The following NOS1 variants were observed in gnomAD, a reference collection of about 807,000 sequenced individuals.
The protein encoded by NOS1 is nitric oxide synthase 1.
In NOS1, 51 loss-of-function variants were observed where a neutral mutation model predicts 164.5. That is an observed-to-expected ratio of 0.31 (90% CI 0.25 to 0.39). NOS1 has a LOEUF of 0.39. Among genes scored for constraint, NOS1 ranks in the 10% least tolerant of loss-of-function variants. NOS1 has a pLI of 1.00. For synonymous variants in NOS1, 719 were observed against 745.8 expected (o/e 0.96, Z 0.59); for missense variants, 1,362 against 1,885.6 (o/e 0.72, Z 5.14).
chr12:117,337,497 G>A (rs917773474), intron 1 of NOS1, among the ~76,000 whole-genome samples: 7 of 152,114 alleles, frequency 4.6e-5, no homozygotes, highest in Non-Finnish European at 8.8e-5. Context: ...TGGGCAGCAT[G>A]GGTCTAGAGT....
At chr12:117,304,679 C>T (rs960566808) in intron 3 of NOS1, among the ~76,000 whole-genome samples, 3 of 152,190 alleles carry the variant, frequency 2.0e-5, no homozygotes, top group Non-Finnish European at 2.9e-5. Flanking sequence ...ATACACACAA[C>T]GCACTCTGTG....
At chr12:117,266,207 C>T (rs917247347) in intron 11 of NOS1, among the ~76,000 whole-genome samples, 87 of 152,112 alleles carry the variant, frequency 5.7e-4, no homozygotes, top group African/African-American at 2.0e-3. Context: ...GTGCACCCAT[C>T]GCCCGAGCAG....
chr12:117,216,117 A>T (rs112236423), intron 28 of NOS1, among the ~76,000 whole-genome samples: 1,642 of 150,514 alleles, frequency 0.011, 30 homozygotes, highest in African/African-American at 0.038. Context: ...GGCTCAAGTG[A>T]TCCACCCATC....
At chr12:117,242,997 G>C (rs978537629) in intron 19 of NOS1, among the ~76,000 whole-genome samples, 2 of 152,234 alleles carry the variant, frequency 1.3e-5, no homozygotes, top group Non-Finnish European at 2.9e-5. Context: ...GGCAGGCATT[G>C]GTTGGGATGG....
Position 117,243,239 on chromosome 12 carries a change from AT to A in NOS1, c.2962+57del. 1 of 1,599,610 alleles carries A rather than the reference AT, an allele frequency of 6.3e-7. No individual in the cohort carries two copies. Among genetic ancestry groups the A allele is most frequent in the Non-Finnish European group, 8.5e-7 (1 of 1,172,648 alleles). ...TCTCTAAGCACCTTCTGGAGGTGAG[AT>A]CACCTGCCTTTCCCCCATTGTCACG... On this transcript the variant is annotated intron_variant, in intron 19 of 28. Transcript: ENST00000317775. This position sits in a 1 kb window ranked among gnomAD's most constrained non-coding sequence, Gnocchi z 4.3.
intron 3 of NOS1, among the ~76,000 whole-genome samples, chr12:117,299,620 C>A (rs1406031768): frequency 1.5e-5 from 2 of 135,298 alleles, no homozygotes; most frequent in African/African-American, 2.9e-5. Context: ...GCCTGGGCGA[C>A]TGAGACTTTG....
At chr12:117,236,946 C>T (rs930567154) in intron 20 of NOS1, among the ~76,000 whole-genome samples, 2 of 152,106 alleles carry the variant, frequency 1.3e-5, no homozygotes, top group African/African-American at 4.8e-5. Context: ...TCTGGCCCTG[C>T]TGGGAGTTTA....
chr12:117,285,609 G>T (rs1874056147), intron 6 of NOS1, among the ~76,000 whole-genome samples: 4 of 151,876 alleles, frequency 2.6e-5, no homozygotes, highest in Non-Finnish European at 5.9e-5. Context: ...GAAGGAGGGG[G>T]TTTAGATGGG....
chr12:117,214,113 G>A lies in NOS1; in HGVS notation c.*1196C>T. 1.1e-5 allele frequency: 11 copies of A among 985,368 alleles called. No individual in the cohort carries two copies. The highest frequency in any genetic ancestry group is 1.3e-5 in the Non-Finnish European group (11 of 829,936). 61.0% of individuals were successfully genotyped at this position (985,368 alleles called of 1,614,324 possible). On this transcript the variant is annotated 3_prime_UTR_variant, in exon 29 of 29. Transcript: ENST00000317775. The stretch of plus-strand genomic sequence containing the variant: ...AGAAGCCACGTGGGACCTCATTATG[G>A]CAACTCTTTCCAACCTCATCCACTT...
At position 117,227,408 on chromosome 12, in the gene NOS1, G is replaced by T. The variant is rs1326114323; in HGVS notation, c.3616+23C>A. 3.1e-6 allele frequency: 5 copies of T among 1,611,006 alleles called. 1 individual carries two copies. The highest frequency in any genetic ancestry group is 4.2e-6 in the Non-Finnish European group (5 of 1,178,022). ...CTTGGGGGAAAATGCAGCTGAGGAG[G>T]CTCTCCCAGTGCCTCCGCCCACCTC... On this transcript the variant is annotated intron_variant, in intron 23 of 28. Transcript: ENST00000317775.
chr12:117,289,719 C>T (rs953507296), intron 4 of NOS1, among the ~76,000 whole-genome samples: 1 of 152,164 alleles, frequency 6.6e-6, no homozygotes, highest in Non-Finnish European at 1.5e-5. Flanking sequence ...TAGAGCTTAT[C>T]ACAAGCTTGG....
chr12:117,244,385 T>C (rs924748255), intron 18 of NOS1, among the ~76,000 whole-genome samples: 1 of 152,124 alleles, frequency 6.6e-6, no homozygotes, highest in South Asian at 2.1e-4. Flanking sequence ...GTAGCTGGGA[T>C]TACAGGCATG....
At chr12:117,231,042 C>G (rs1008747553) in intron 22 of NOS1, among the ~76,000 whole-genome samples, 1 of 152,028 alleles carries the variant, frequency 6.6e-6, no homozygotes, top group East Asian at 1.9e-4. Context: ...TGAATAAGAT[C>G]TAGGCCGGGT....
rs537647209 is a variant in NOS1, at chr12:117,272,710, C to T, written c.1665-151G>A. 53 of 688,180 alleles carry T rather than the reference C, an allele frequency of 7.7e-5. No individual in the cohort carries two copies. Among genetic ancestry groups the T allele is most frequent in the African/African-American group, 7.6e-4 (42 of 55,268 alleles). The allele number at this position is 688,180 out of a possible 1,614,324, so 42.6% of individuals were successfully genotyped here. On this transcript the variant is annotated intron_variant, in intron 9 of 28. Transcript: ENST00000317775. This position sits in a 1 kb window ranked among gnomAD's most constrained non-coding sequence, Gnocchi z 4.3. ...GCCCTGCTTCAGATCTGTGGAATTG[C>T]AGGTTCTGCAGCTGGGGGCCTGAGA...
At chr12:117,280,655 C>T (rs565515265) in intron 8 of NOS1, 70 bp downstream of exon 8, 17 of 1,202,926 alleles carry the variant, frequency 1.4e-5, no homozygotes, top group African/African-American at 8.5e-5. Flanking sequence ...GCATTAAGCC[C>T]GAAAAAGTCT....
intron 10 of NOS1, among the ~76,000 whole-genome samples, chr12:117,269,528 G>A (rs1397093470): frequency 1.5e-5 from 2 of 135,892 alleles, no homozygotes; most frequent in African/African-American, 2.9e-5. Context: ...GTGCAGTGTC[G>A]TGATCTCGGC....
rs1222793241 is a variant in NOS1 at position 117,330,153 on chromosome 12, C to T, written c.725+192G>A. Among the ~76,000 whole-genome samples the T allele has an allele frequency of 2.0e-5, 3 of 152,150 alleles. No homozygotes were observed. Among genetic ancestry groups the T allele is most frequent in the East Asian group, 3.9e-4 (2 of 5,194 alleles). ...AAGAGAAGCATCCTAGAAGCTATGC[C>T]CTGTGGCCTCTTGTGAATGTAATTT... On this transcript the variant is annotated intron_variant, in intron 2 of 28. Transcript: ENST00000317775. This position sits in a 1 kb window ranked among gnomAD's most constrained non-coding sequence, Gnocchi z 4.6.
At chr12:117,285,524 T>C (rs1874041587) in intron 6 of NOS1, among the ~76,000 whole-genome samples, 192 bp from the exon 7 acceptor site, 1 of 131,684 alleles carries the variant, frequency 7.6e-6, no homozygotes, top group Non-Finnish European at 1.6e-5. Flanking sequence ...CAAGGCCAAT[T>C]TGACCAGAAA....
intron 1 of NOS1, among the ~76,000 whole-genome samples, chr12:117,351,127 GA>G (rs952249142): frequency 7.3e-4 from 109 of 149,016 alleles, no homozygotes; most frequent in African/African-American, 2.0e-3. Context: ...AGAAGAAGAA[GA>G]AAAAAAAAAG....
Sources: allele counts gnomAD v4.1 joint callset (sites outside exome capture counted in the v4.1 genomes callset), GRCh38; gene constraint gnomAD v4.1.1; non-coding constraint Gnocchi (gnomAD v3.1); transcripts MANE v1.5; gene names NCBI Gene and HGNC (gene_info 2026-07-23, HGNC 2026-07-21).